SUGCT: variants seen among roughly 807,000 people sequenced by gnomAD.
SUGCT encodes the protein succinyl-CoA:glutarate CoA-transferase.
In SUGCT, 41 loss-of-function variants were observed where a neutral mutation model predicts 55.0. The observed-to-expected ratio is 0.74, with a 90% confidence interval of 0.58 to 0.97. The LOEUF is 0.97. SUGCT is among the 50% of genes least tolerant of loss of function. The pLI, the probability that SUGCT is intolerant of heterozygous loss-of-function variation, is 0.00. For missense variants in SUGCT, 568 were observed against 547.8 expected (o/e 1.04, Z -0.37); for synonymous variants, 187 against 200.4 (o/e 0.93, Z 0.56).
chr7:40,805,140 A>C (rs927671765), intron 13 of SUGCT, among the ~76,000 whole-genome samples: 1 of 152,138 alleles, frequency 6.6e-6, no homozygotes, highest in Non-Finnish European at 1.5e-5. Context: ...TGGTTCCTGG[A>C]TCAATTTTCC....
At chr7:40,192,060 A>G (rs1170875156) in intron 5 of SUGCT, among the ~76,000 whole-genome samples, 2 of 131,602 alleles carry the variant, frequency 1.5e-5, no homozygotes, top group Non-Finnish European at 3.1e-5. Context: ...GTGAGCCGAT[A>G]TTGCACCATT....
chr7:40,345,917 G>A (rs1328441981), intron 9 of SUGCT, among the ~76,000 whole-genome samples: 1 of 151,600 alleles, frequency 6.6e-6, no homozygotes. Flanking sequence ...AACTGGCTCA[G>A]ATCTTTCTTT....
intron 12 of SUGCT, among the ~76,000 whole-genome samples, chr7:40,679,364 A>G (rs1033656586): frequency 6.7e-6 from 1 of 149,660 alleles, no homozygotes; most frequent in Non-Finnish European, 1.5e-5. Context: ...TGTATCCCTG[A>G]TAAGAACAGA....
At chr7:40,454,006 A>T (rs566207446) in intron 10 of SUGCT, among the ~76,000 whole-genome samples, 1 of 152,320 alleles carries the variant, frequency 6.6e-6, no homozygotes, top group East Asian at 1.9e-4. Flanking sequence ...TAAAAGTATA[A>T]TAACCAAGAA....
rs191144680 is a variant in SUGCT at position 40,456,191 on chromosome 7, A to G, written c.889-2910A>G. Among the ~76,000 whole-genome samples, 981 of 151,904 alleles carry G rather than the reference A, an allele frequency of 6.5e-3. 7 individuals carry two copies. Among genetic ancestry groups the G allele is most frequent in the Non-Finnish European group, 8.9e-3 (602 of 67,954 alleles). On this transcript the variant is annotated intron_variant, in intron 10 of 13. Coordinates refer to ENST00000335693, the MANE Select transcript of SUGCT (RefSeq NM_001193313.2). ...CAGGCACCCACCGTCATGCCTGAAT[A>G]ATTTTTGTATTTTTAGTAGAGATGG...
intron 11 of SUGCT, among the ~76,000 whole-genome samples, chr7:40,482,726 TTTATTCAGAATCTTTACAAAA>T (rs1791121916): frequency 6.6e-6 from 1 of 152,208 alleles, no homozygotes; most frequent in African/African-American, 2.4e-5. Flanking sequence ...TGATCCACAT[TTTATTCAGAATCTTTACAAAA>T]AACAGTTTAC....
chr7:41,002,573 G>A, the SUGCT span, among the ~76,000 whole-genome samples: 562 of 152,236 alleles, frequency 3.7e-3, 7 homozygotes, highest in Middle Eastern at 0.01. Flanking sequence ...GCATGATTGA[G>A]TGTCCATTTT....
At chr7:40,511,727 T>TA (rs1792943414) in intron 12 of SUGCT, among the ~76,000 whole-genome samples, 1 of 152,210 alleles carries the variant, frequency 6.6e-6, no homozygotes, top group Non-Finnish European at 1.5e-5. Flanking sequence ...CTTGAATTTT[T>TA]AAAAAATGTT....
intron 1 of SUGCT, among the ~76,000 whole-genome samples, chr7:40,167,830 A>T (rs573947050): frequency 1.7e-4 from 26 of 152,170 alleles, no homozygotes; most frequent in East Asian, 1.9e-4. Flanking sequence ...AGCAGCAAAC[A>T]GCAGTGGTGG....
intron 7 of SUGCT, among the ~76,000 whole-genome samples, chr7:40,244,831 TGA>T (rs112955044): frequency 2.6e-5 from 4 of 151,306 alleles, no homozygotes; most frequent in Non-Finnish European, 5.9e-5. Context: ...AGGACAGTTT[TGA>T]GAGAGAGAGA....
rs534922588 is a variant in SUGCT at position 40,424,796 on chromosome 7, C to A, written c.817-24491C>A. ...TTTAACAGTTGTTCAACTAAGCTAC[C>A]ATTCTTTCTGAGGATTGGTTTTTTT... On this transcript the variant is annotated intron_variant, in intron 9 of 13. Transcript: ENST00000335693. Among the ~76,000 whole-genome samples the A allele has an allele frequency of 1.9e-3, 288 of 152,130 alleles. 1 individual carries two copies. The highest frequency in any genetic ancestry group is 3.9e-3 in the Admixed American group (59 of 15,254).
At chr7:40,254,110 GA>G (rs1790634320) in intron 7 of SUGCT, among the ~76,000 whole-genome samples, 1 of 152,052 alleles carries the variant, frequency 6.6e-6, no homozygotes, top group Non-Finnish European at 1.5e-5. Flanking sequence ...TCTTATATTT[GA>G]CCCCTAAATG....
At chr7:40,610,605 C>T (rs566781057) in intron 12 of SUGCT, among the ~76,000 whole-genome samples, 4 of 152,254 alleles carry the variant, frequency 2.6e-5, no homozygotes, top group Admixed American at 2.0e-4. Flanking sequence ...CGACTTGTAA[C>T]GCGTAATGGT....
At chr7:40,315,649 A>AG (rs1471150412) in intron 8 of SUGCT, among the ~76,000 whole-genome samples, 1 of 152,190 alleles carries the variant, frequency 6.6e-6, no homozygotes, top group East Asian at 1.9e-4. Context: ...TGTGCTAGGT[A>AG]GGGGGCAAGA....
intron 12 of SUGCT, among the ~76,000 whole-genome samples, chr7:40,688,239 G>C (rs1784549118): frequency 6.6e-6 from 1 of 152,112 alleles, no homozygotes; most frequent in Non-Finnish European, 1.5e-5. Context: ...AGCCATTGGA[G>C]ACCCAGTCTT....
At chr7:40,367,661 TTAAC>T (rs1167898516) in intron 9 of SUGCT, among the ~76,000 whole-genome samples, 2 of 152,142 alleles carry the variant, frequency 1.3e-5, no homozygotes, top group African/African-American at 4.8e-5. Flanking sequence ...AATGCAATAT[TTAAC>T]TAAGGCAAAC....
rs569509732 is a variant in SUGCT at position 40,522,250 on chromosome 7, A to G, written c.1089+25864A>G. On this transcript the variant is annotated intron_variant, in intron 12 of 13. Transcript: ENST00000335693. ...ACTTGTAGTTTCTCTAACACTTGCA[A>G]ATTAATTTCAAAATGTACTGTCTCA... 2.6e-5 allele frequency among the ~76,000 whole-genome samples: 4 copies of G among 152,230 alleles called. No individual in the cohort carries two copies. The East Asian group carries it at 7.7e-4, about 29-fold the overall frequency.
chr7:40,293,706 A>T (rs948412905), intron 8 of SUGCT, among the ~76,000 whole-genome samples: 3 of 152,190 alleles, frequency 2.0e-5, no homozygotes, highest in Admixed American at 2.0e-4. Flanking sequence ...TTTTAGGGTA[A>T]ACCTGCAAGG....
intron 7 of SUGCT, among the ~76,000 whole-genome samples, chr7:40,242,933 A>ATATATATTT (rs1270335224): frequency 1.2e-4 from 2 of 17,216 alleles, no homozygotes; most frequent in African/African-American, 1.5e-4. Context: ...ATATATATAT[A>ATATATATTT]TTTTTTTTTT....
Sources: allele counts gnomAD v4.1 joint callset (sites outside exome capture counted in the v4.1 genomes callset), GRCh38; gene constraint gnomAD v4.1.1; transcripts MANE v1.5; gene names NCBI Gene and HGNC (gene_info 2026-07-23, HGNC 2026-07-21).